LETM1: variants seen among roughly 807,000 people sequenced by gnomAD.
LETM1 encodes leucine zipper and EF-hand containing transmembrane protein 1, also known as mitochondrial proton/calcium exchanger protein.
Under a neutral mutation model 74.5 loss-of-function variants are expected in LETM1, and 50 were observed. The observed-to-expected ratio is 0.67, with a 90% CI of 0.53 to 0.85. The LOEUF (loss-of-function observed/expected upper bound fraction) is 0.85. Ranked by LOEUF, LETM1 falls within the 40% of genes least tolerant of loss-of-function variation. The pLI, the probability that LETM1 is intolerant of heterozygous loss-of-function variation, is 0.00. For missense variants in LETM1, 824 were observed against 967.8 expected, an observed-to-expected ratio of 0.85 and a Z score of 1.97; for synonymous variants, 446 against 407.1, an observed-to-expected ratio of 1.10 and a Z score of -1.15.
At chr4:1,830,384 G>A (rs1258036302) in intron 6 of LETM1, among the ~76,000 whole-genome samples, 1 of 152,162 alleles carries the variant, frequency 6.6e-6, no homozygotes, top group Non-Finnish European at 1.5e-5. Context: ...CAGGCTGAGT[G>A]CAGTGACACA....
intron 1 of LETM1, among the ~76,000 whole-genome samples, chr4:1,852,442 T>G (rs938803663): frequency 3.9e-5 from 6 of 152,144 alleles, no homozygotes; most frequent in Non-Finnish European, 8.8e-5. Context: ...CATCAAGGCT[T>G]CATGACTGAT....
chr4:1,814,646 G>T, intron 13 of LETM1, 73 bp from the exon 14 acceptor site: 2 of 1,320,084 alleles, frequency 1.5e-6, no homozygotes, highest in Middle Eastern at 1.8e-4. Flanking sequence ...CGGGGCCAGC[G>T]CCGTCAGTCG....
At chr4:1,822,112 C>T (rs1560479953) in intron 10 of LETM1, 69 bp downstream of exon 10, 3 of 1,338,200 alleles carry the variant, frequency 2.2e-6, no homozygotes, top group Non-Finnish European at 2.9e-6. Flanking sequence ...CCATCCCTGC[C>T]CCACAACTGT....
chr4:1,832,953 G>C lies in LETM1; in HGVS notation c.877-6C>G, dbSNP rs1240392633. ...CTCTCCCCTGTTTCCCGGATCTGCG[G>C]AAGTGGTCACAAGGGTCATCCCCGG... On this transcript the variant is annotated splice_region_variant and splice_polypyrimidine_tract_variant and intron_variant, in intron 5 of 13. Coordinates refer to ENST00000302787, the MANE Select transcript of LETM1 (RefSeq NM_012318.3). 2 of 1,611,896 alleles carry C rather than the reference G, an allele frequency of 1.2e-6. No homozygotes were observed. The highest frequency in any genetic ancestry group is 2.7e-5 in the African/African-American group (2 of 74,848).
At chr4:1,828,142 A>G (rs1330563560) in intron 6 of LETM1, among the ~76,000 whole-genome samples, 20 of 85,290 alleles carry the variant, frequency 2.3e-4, no homozygotes, top group East Asian at 4.2e-4. Context: ...GGCCGGGCAG[A>G]GGGGCTCCTC....
Position 1,822,184 on chromosome 4 carries a change from C to A in LETM1, c.1605G>T (p.Leu535Phe). ...GCCCCAGAACCTGCCTCATTACCTT[C>A]AAGCCCTCCAGCACCGGGGCAGTGT... The part of the protein sequence containing the change: ...LKDTAPVLEG[L>F]KEEEITKEEI... The change falls in exon 10 of 14, where the codon TTG (leucine) becomes TTT (phenylalanine). Residue 535 changes from leucine (L) to phenylalanine (F), a missense_variant. By Grantham distance (22) the Leu-to-Phe change is conservative. Around this residue, in one of 4 missense-constraint regions of LETM1, gnomAD observed 172 missense variants for 170.7 expected, o/e 1.01. Coordinates refer to ENST00000302787, the MANE Select transcript of LETM1 (RefSeq NM_012318.3). The A allele has an allele frequency of 7.0e-7, 1 of 1,425,946 alleles. No homozygotes were observed. 88.3% of individuals were successfully genotyped at this position (1,425,946 alleles called of 1,614,324 possible).
intron 2 of LETM1, among the ~76,000 whole-genome samples, chr4:1,848,451 G>A (rs1450847781): frequency 4.0e-5 from 6 of 151,890 alleles, no homozygotes; most frequent in Admixed American, 3.9e-4. Context: ...GGGAGGCTGA[G>A]GCAGGAGGAT....
chr4:1,847,361 G>C (rs1379086507), intron 2 of LETM1, among the ~76,000 whole-genome samples: 2 of 149,550 alleles, frequency 1.3e-5, no homozygotes, highest in Non-Finnish European at 3.0e-5. Flanking sequence ...AAAAAAAAAA[G>C]TAATATTCCT....
chr4:1,819,275 G>C, intron 11 of LETM1, 63 bp downstream of exon 11: 1 of 1,502,942 alleles, frequency 6.7e-7, no homozygotes, highest in Non-Finnish European at 9.0e-7. Flanking sequence ...TATACTTTTG[G>C]GGCCAGTACA....
In LETM1 at chr4:1,836,774, AGC is replaced by A. The variant is rs1289660968; in HGVS notation, c.595-204_595-203del. Among the ~76,000 whole-genome samples, 13 of 152,218 alleles carry A rather than the reference AGC, an allele frequency of 8.5e-5. No individual in the cohort carries two copies. The highest frequency in any genetic ancestry group is 3.1e-4 in the African/African-American group (13 of 41,456). On this transcript the variant is annotated intron_variant, in intron 3 of 13. Coordinates refer to ENST00000302787, the MANE Select transcript of LETM1 (RefSeq NM_012318.3). This position sits in a 1 kb window ranked among gnomAD's most constrained non-coding sequence, Gnocchi z 5.8. ...TTTCTCAGGGTCCAAAGCAGGTACC[AGC>A]AGCCTCCAGAAAAGCAGGGTATGGT...
At chr4:1,848,473 G>C (rs1289756592) in intron 2 of LETM1, among the ~76,000 whole-genome samples, 1 of 151,896 alleles carries the variant, frequency 6.6e-6, no homozygotes, top group East Asian at 1.9e-4. Flanking sequence ...GCATGAACCC[G>C]GGAGGTGGAT....
At chr4:1,842,462 C>G (rs1397193660) in intron 2 of LETM1, among the ~76,000 whole-genome samples, 1 of 152,242 alleles carries the variant, frequency 6.6e-6, no homozygotes, top group Non-Finnish European at 1.5e-5. Context: ...ATCCCTAGCT[C>G]ATGCCCTTGC....
chr4:1,842,767 C>T (rs1360381169), intron 2 of LETM1, among the ~76,000 whole-genome samples: 5 of 152,258 alleles, frequency 3.3e-5, no homozygotes, highest in African/African-American at 9.6e-5. Context: ...GAGGAGGCCA[C>T]TGCAGCCTAA....
At chr4:1,828,220 G>T (rs1289250549) in intron 6 of LETM1, among the ~76,000 whole-genome samples, 5 of 138,260 alleles carry the variant, frequency 3.6e-5, no homozygotes, top group South Asian at 2.3e-4. Context: ...GGCCGGGCGG[G>T]GGGGGCTGAC....
At chr4:1,832,267 A>G (rs1712303225) in intron 6 of LETM1, among the ~76,000 whole-genome samples, 1 of 151,874 alleles carries the variant, frequency 6.6e-6, no homozygotes, top group South Asian at 2.1e-4. Context: ...TCGCCACTGC[A>G]CTCCAACCTG....
At chr4:1,838,795 G>A (rs932244067) in intron 3 of LETM1, among the ~76,000 whole-genome samples, 2 of 152,170 alleles carry the variant, frequency 1.3e-5, no homozygotes, top group Non-Finnish European at 2.9e-5. Flanking sequence ...AGATGAGGCT[G>A]CACCTGGGAG....
intron 9 of LETM1, 149 bp downstream of exon 9, chr4:1,822,839 G>A: frequency 1.3e-6 from 1 of 767,368 alleles, no homozygotes; most frequent in Non-Finnish European, 1.8e-6. Flanking sequence ...CGGGCACCCT[G>A]CCTCCCTGAC....
At chr4:1,819,539 C>T in intron 10 of LETM1, 67 bp from the exon 11 acceptor site, 1 of 1,533,106 alleles carries the variant, frequency 6.5e-7, no homozygotes, top group Non-Finnish European at 8.8e-7. Context: ...TCCCAAGTGA[C>T]CAGCTGCTCT....
intron 2 of LETM1, 27 bp downstream of exon 2, chr4:1,849,122 G>A (rs745790743): frequency 1.9e-6 from 3 of 1,558,544 alleles, no homozygotes; most frequent in Non-Finnish European, 2.7e-6. Flanking sequence ...CAAACAGACA[G>A]GTGCAGAGTG....
Sources: gnomAD v4.1 joint callset for allele counts (sites outside exome capture counted in the v4.1 genomes callset) on GRCh38, gnomAD v4.1.1 for gene constraint, gnomAD v4.1.1 regional missense constraint, Gnocchi (gnomAD v3.1) non-coding constraint, MANE v1.5 for transcripts, NCBI Gene and HGNC (gene_info 2026-07-23, HGNC 2026-07-21) for gene names.